TMEM131L: variants seen among roughly 807,000 people sequenced by gnomAD.
TMEM131L encodes the protein transmembrane 131 like, also known as transmembrane protein 131-like.
TMEM131L carries 54 observed loss-of-function variants against 192.2 expected under a neutral mutation model. That is an observed-to-expected ratio of 0.28 (90% CI 0.23 to 0.35). The LOEUF (loss-of-function observed/expected upper bound fraction) is 0.35, where lower values mean the gene tolerates loss of function less well. Among genes scored for constraint, TMEM131L ranks in the 10% least tolerant of loss-of-function variants. TMEM131L has a pLI of 1.00. For missense variants in TMEM131L, 1,888 were observed against 1,972.9 expected, an observed-to-expected ratio of 0.96 and a Z score of 0.82; for synonymous variants, 701 against 704.9, an observed-to-expected ratio of 0.99 and a Z score of 0.09.
chr4:153,495,652 A>G lies in TMEM131L; in HGVS notation c.239+21764A>G, dbSNP rs140965266. ...GCATTTTTTTCAGGTGAGCAGAGGGATGACTTTCTGTCTCCACCTGTGAAG... is the reference window on the plus strand; with the variant it reads ...GCATTTTTTTCAGGTGAGCAGAGGGGTGACTTTCTGTCTCCACCTGTGAAG... On this transcript the variant is annotated intron_variant, in intron 3 of 34. Coordinates refer to ENST00000409959, the MANE Select transcript of TMEM131L (RefSeq NM_001131007.2). Among the ~76,000 whole-genome samples, 3 of 152,288 alleles carry G rather than the reference A, an allele frequency of 2.0e-5. No individual in the cohort carries two copies. In the East Asian group the frequency reaches 5.8e-4, roughly 29 times the overall value.
At chr4:153,545,806 G>T (rs1262060808) in intron 3 of TMEM131L, among the ~76,000 whole-genome samples, 2 of 152,194 alleles carry the variant, frequency 1.3e-5, no homozygotes, top group Non-Finnish European at 2.9e-5. Context: ...GACTAAGAGT[G>T]TGTGGAACAG....
At chr4:153,575,221 C>G (rs1332049858) in intron 7 of TMEM131L, among the ~76,000 whole-genome samples, 1 of 152,200 alleles carries the variant, frequency 6.6e-6, no homozygotes, top group Non-Finnish European at 1.5e-5. Flanking sequence ...CCAAATCACA[C>G]CCTTCTTGTG....
intron 3 of TMEM131L, among the ~76,000 whole-genome samples, chr4:153,537,011 G>T (rs1488414009): frequency 6.6e-6 from 1 of 152,106 alleles, no homozygotes; most frequent in Non-Finnish European, 1.5e-5. Context: ...CTGATTAGAT[G>T]GTGCCCACCC....
At chr4:153,471,281 C>T (rs759840906) in intron 2 of TMEM131L, among the ~76,000 whole-genome samples, 2 of 152,104 alleles carry the variant, frequency 1.3e-5, no homozygotes, top group Non-Finnish European at 2.9e-5. Context: ...TCACCGTGCC[C>T]GGCCCATGTC....
chr4:153,564,287 C>CAAAA (rs1178320668), intron 7 of TMEM131L, among the ~76,000 whole-genome samples: 687 of 17,634 alleles, frequency 0.039, 68 homozygotes, highest in African/African-American at 0.067. Flanking sequence ...AACTCCGTCT[C>CAAAA]AAAAAAAAAA....
At chr4:153,519,294 G>A (rs1734948354) in intron 3 of TMEM131L, among the ~76,000 whole-genome samples, 1 of 152,134 alleles carries the variant, frequency 6.6e-6, no homozygotes, top group African/African-American at 2.4e-5. Context: ...GCAGCTTGGG[G>A]CCAAGCTTTT....
At chr4:153,631,626 A>ATGTTT (rs2126892542) in intron 31 of TMEM131L, among the ~76,000 whole-genome samples, 2 of 152,328 alleles carry the variant, frequency 1.3e-5, no homozygotes, top group South Asian at 4.2e-4. Flanking sequence ...ATCTATGAAA[A>ATGTTT]GATAGTCCAG....
intron 3 of TMEM131L, among the ~76,000 whole-genome samples, chr4:153,510,959 T>G (rs550391342): frequency 1.3e-4 from 20 of 152,214 alleles, no homozygotes; most frequent in South Asian, 4.1e-4. Context: ...GATTATTAAA[T>G]AGTAAGCCCA....
chr4:153,579,433 A>C (rs549904106), intron 7 of TMEM131L, among the ~76,000 whole-genome samples: 1 of 151,992 alleles, frequency 6.6e-6, no homozygotes, highest in South Asian at 2.1e-4. Flanking sequence ...TTTCTTTAAA[A>C]GAGTGTTTAA....
At chr4:153,602,098 T>C in intron 21 of TMEM131L, 54 bp from the exon 22 acceptor site, 1 of 1,066,622 alleles carries the variant, frequency 9.4e-7, no homozygotes, top group East Asian at 2.7e-5. Context: ...TAAATTATTT[T>C]AAATAAATTT....
intron 4 of TMEM131L, among the ~76,000 whole-genome samples, chr4:153,553,846 A>G (rs1268902688): frequency 2.0e-5 from 3 of 152,222 alleles, no homozygotes. Flanking sequence ...TTAACAGAGT[A>G]TCTTCCAGTT....
chr4:153,630,622 T>G (rs1185515815), intron 31 of TMEM131L, among the ~76,000 whole-genome samples: 1 of 152,222 alleles, frequency 6.6e-6, no homozygotes, highest in East Asian at 1.9e-4. Flanking sequence ...CTTCAGTCAC[T>G]TCAGCTAGTA....
intron 3 of TMEM131L, among the ~76,000 whole-genome samples, chr4:153,500,573 G>C (rs1408315735): frequency 2.0e-5 from 3 of 152,052 alleles, no homozygotes; most frequent in Non-Finnish European, 2.9e-5. Flanking sequence ...CTTTCTACTT[G>C]GATCGTGTTA....
At chr4:153,557,617 C>T (rs938847660) in intron 6 of TMEM131L, among the ~76,000 whole-genome samples, 19 of 152,098 alleles carry the variant, frequency 1.2e-4, no homozygotes, top group Non-Finnish European at 1.5e-5. Context: ...TAAATGGTAC[C>T]TGATATGGCA....
In TMEM131L at chr4:153,622,894, C is replaced by T. The variant is rs776412918; in HGVS notation, c.3860-4C>T. The T allele has an allele frequency of 4.3e-6, 7 of 1,614,104 alleles. No individual in the cohort carries two copies. Among genetic ancestry groups the T allele is most frequent in the South Asian group, 2.2e-5 (2 of 91,064 alleles). ...GGAAACATGACTCCTTTCACTTCCTCCAGAAGGTTACTACCAGAAGCCTGA... is the reference window on the plus strand; with the variant it reads ...GGAAACATGACTCCTTTCACTTCCTTCAGAAGGTTACTACCAGAAGCCTGA... On this transcript the variant is annotated splice_polypyrimidine_tract_variant and splice_region_variant and intron_variant, in intron 28 of 34. Coordinates refer to ENST00000409959, the MANE Select transcript of TMEM131L (RefSeq NM_001131007.2).
intron 3 of TMEM131L, among the ~76,000 whole-genome samples, chr4:153,483,398 C>T (rs565533737): frequency 6.6e-6 from 1 of 152,298 alleles, no homozygotes; most frequent in African/African-American, 2.4e-5. Context: ...ACAAATCCAA[C>T]AACCCAAGAA....
intron 7 of TMEM131L, among the ~76,000 whole-genome samples, chr4:153,566,754 T>C (rs1384786032): frequency 1.3e-5 from 2 of 152,222 alleles, no homozygotes; most frequent in Non-Finnish European, 2.9e-5. Flanking sequence ...CAGTGTTTTT[T>C]CTAAGTTTAT....
At chr4:153,545,639 A>G (rs2150367415) in intron 3 of TMEM131L, among the ~76,000 whole-genome samples, 1 of 152,262 alleles carries the variant, frequency 6.6e-6, no homozygotes, top group East Asian at 1.9e-4. Flanking sequence ...CAAAGTTTTT[A>G]AAAAGATTTT....
At chr4:153,582,685 T>C (rs1475083339) in intron 9 of TMEM131L, among the ~76,000 whole-genome samples, 1 of 152,046 alleles carries the variant, frequency 6.6e-6, no homozygotes, top group Non-Finnish European at 1.5e-5. Context: ...GCTTGGTGAT[T>C]CTCATAGTGG....
Sources: allele counts gnomAD v4.1 joint callset (sites outside exome capture counted in the v4.1 genomes callset), GRCh38; gene constraint gnomAD v4.1.1; transcripts MANE v1.5; gene names NCBI Gene and HGNC (gene_info 2026-07-23, HGNC 2026-07-21).